The following INF2 variants were observed in gnomAD, a reference collection of about 807,000 sequenced individuals.
INF2 encodes the protein inverted formin 2, also known as inverted formin-2.
INF2 carries 43 observed loss-of-function variants against 123.5 expected under a neutral mutation model. The ratio of observed to expected loss-of-function variants is 0.35; its 90% CI spans 0.27 to 0.45. The LOEUF (loss-of-function observed/expected upper bound fraction) is 0.45. Among genes scored for constraint, INF2 ranks in the 20% least tolerant of loss-of-function variants. The pLI is 1.00. For missense variants in INF2, 1,453 were observed against 1,682.7 expected, an observed-to-expected ratio of 0.86 and a Z score of 2.39; for synonymous variants, 851 against 745.0, an observed-to-expected ratio of 1.14 and a Z score of -2.32.
rs187104422 is a variant in INF2, at chr14:104,712,413, C to G, written c.2490-20C>G. Reference sequence around the variant, plus strand: ...GACGTCAGCCGTTGCTGTCTCTGCCCGGCCCTCCTCACCTTTCAGGATCAA... The same window carrying G: ...GACGTCAGCCGTTGCTGTCTCTGCCGGGCCCTCCTCACCTTTCAGGATCAA... On this transcript the variant is annotated intron_variant, in intron 16 of 22. Coordinates refer to ENST00000392634, the MANE Select transcript of INF2 (RefSeq NM_022489.4). The G allele has an allele frequency of 6.2e-7, 1 of 1,611,682 alleles. No individual in the cohort carries two copies. Among genetic ancestry groups the G allele is most frequent in the Non-Finnish European group, 8.5e-7 (1 of 1,179,478 alleles).
At chr14:104,709,430 C>G (rs781514393) in intron 11 of INF2, 47 bp downstream of exon 11, 4 of 1,480,008 alleles carry the variant, frequency 2.7e-6, no homozygotes, top group African/African-American at 2.8e-5. Flanking sequence ...TGCCACCAAC[C>G]AAGGGAGAGG....
At chr14:104,698,419 TCA>T (rs1181856271) in intron 1 of INF2, among the ~76,000 whole-genome samples, 1 of 152,230 alleles carries the variant, frequency 6.6e-6, no homozygotes, top group Admixed American at 6.5e-5. Context: ...TAGCAGAGAC[TCA>T]CAGGCGGGCG....
Position 104,701,613 on chromosome 14 carries a change from G to T in INF2, c.248G>T (p.Arg83Leu). ...GLDLLLEALA[R>L]LSGRGVARIS... ...GACCTGCTGCTGGAGGCGCTGGCGC[G>T]GCTGTCGGGCCGCGGCGTTGCACGT... The change falls in exon 2 of 23, where the codon CGG (arginine) becomes CTG (leucine). Residue 83 changes from arginine (R) to leucine (L), a missense_variant. Physicochemically the swap from Arg to Leu is moderately radical, Grantham distance 102 (BLOSUM62 -2). This residue lies in a region of INF2 where 251 missense variants were observed against 349.4 expected (regional missense o/e 0.72). Transcript: ENST00000392634. 1 of 1,604,194 alleles carries T rather than the reference G, an allele frequency of 6.2e-7. No homozygotes were observed. Among genetic ancestry groups the T allele is most frequent in the Non-Finnish European group, 8.5e-7 (1 of 1,178,038 alleles).
chr14:104,712,263 TGAGG>T (rs1434845688), intron 16 of INF2, among the ~76,000 whole-genome samples, 166 bp from the exon 17 acceptor site: 2 of 152,122 alleles, frequency 1.3e-5, no homozygotes, highest in Non-Finnish European at 2.9e-5. Flanking sequence ...CACAGGGGGC[TGAGG>T]GTCAGCTGGA....
At chr14:104,690,987 G>T (rs930183370) in intron 1 of INF2, among the ~76,000 whole-genome samples, 19 of 152,174 alleles carry the variant, frequency 1.2e-4, no homozygotes, top group African/African-American at 4.3e-4. Flanking sequence ...CCAGGTTGGT[G>T]CAGTGGGCCC....
Position 104,707,526 on chromosome 14 carries a change from C to CCCCACA in INF2, c.1264_1265insACCCAC (p.Pro421_Pro422insHisPro), listed in dbSNP as rs1160224615. On this transcript the variant is annotated inframe_insertion, in exon 8 of 23. Transcript: ENST00000392634. ...AGAGCCCTGGAGCAGCAGGCGTCCA[C>CCCCACA]CCCACCCCCACCCCCACCCCCACCC... The CCCCACA allele has an allele frequency of 4.6e-6, 4 of 862,186 alleles. No homozygotes were observed. The highest frequency in any genetic ancestry group is 3.9e-4 in the Middle Eastern group (1 of 2,594). 53.4% of individuals were successfully genotyped at this position (862,186 alleles called of 1,614,324 possible).
chr14:104,698,635 G>A (rs1317846453), intron 1 of INF2, among the ~76,000 whole-genome samples: 5 of 152,228 alleles, frequency 3.3e-5, no homozygotes, highest in African/African-American at 1.2e-4. Context: ...GCCAGATTGC[G>A]GGTCAGAGTG....
At chr14:104,695,055 G>T (rs570907030) in intron 1 of INF2, among the ~76,000 whole-genome samples, 1 of 152,126 alleles carries the variant, frequency 6.6e-6, no homozygotes, top group South Asian at 2.1e-4. Context: ...TGTCTGGTCC[G>T]GGGGGAGGAA....
At chr14:104,714,990 G>A in intron 21 of INF2, 134 bp downstream of exon 21, 1 of 990,040 alleles carries the variant, frequency 1.0e-6, no homozygotes. Flanking sequence ...GCACGGGAGA[G>A]GAGGCGGCAG....
upstream of INF2, among the ~76,000 whole-genome samples, chr14:104,687,962 G>A (rs1888715508): frequency 6.6e-6 from 1 of 152,254 alleles, no homozygotes; most frequent in African/African-American, 2.4e-5. This position sits in a 1 kb window ranked among gnomAD's most constrained non-coding sequence, Gnocchi z 5.6. Flanking sequence ...CCCCGCCCGT[G>A]CCCTCCAGGG....
intron 10 of INF2, 68 bp from the exon 11 acceptor site, chr14:104,709,213 T>C: frequency 8.1e-7 from 1 of 1,236,752 alleles, no homozygotes; most frequent in Non-Finnish European, 1.2e-6. Flanking sequence ...CCAGGTGGGG[T>C]CCCAAAGAGG....
intron 13 of INF2, chr14:104,710,601 C>T (rs917772227): frequency 5.9e-6 from 3 of 510,562 alleles, no homozygotes; most frequent in East Asian, 3.4e-5. Context: ...ACACACACAC[C>T]CTCACATACA....
chr14:104,682,203 C>G (rs541810583), intron 1 of INF2, among the ~76,000 whole-genome samples: 2 of 152,058 alleles, frequency 1.3e-5, no homozygotes, highest in Non-Finnish European at 1.5e-5. Flanking sequence ...CTGTGCCGGG[C>G]GCTCAGGAAG....
chr14:104,691,204 G>T (rs114658995), intron 1 of INF2: 1 of 152,278 alleles, frequency 6.6e-6, no homozygotes, highest in Admixed American at 6.5e-5. Flanking sequence ...ATGTGGGGAC[G>T]TGGAAGCTCC....
chr14:104,720,391 T>A lies in INF2; in HGVS notation c.*1598T>A. 6.4e-6 allele frequency: 1 copy of A among 155,860 alleles called. No homozygotes were observed. The highest frequency in any genetic ancestry group is 1.7e-4 in the South Asian group (1 of 5,876). The allele number at this position is 155,860 out of a possible 1,614,324, so 9.7% of individuals were successfully genotyped here. ...TGCGTCGTCCTCGTGTGGATGCTGC[T>A]GTGGACGTCTGCGTCGTCCTCGTGT... On this transcript the variant is annotated 3_prime_UTR_variant, in exon 23 of 23. Coordinates refer to ENST00000392634, the MANE Select transcript of INF2 (RefSeq NM_022489.4).
In INF2 at chr14:104,706,891, C is replaced by A. The variant is rs748196824; in HGVS notation, c.844-19C>A. ...GGAGGGGCCGGCTGCTGACCTGCAC[C>A]CCACACTCGCCCGTCCAGGTGAGCT... On this transcript the variant is annotated intron_variant, in intron 6 of 22. Transcript: ENST00000392634. 6.2e-7 allele frequency: 1 copy of A among 1,602,350 alleles called. No individual in the cohort carries two copies. The highest frequency in any genetic ancestry group is 8.5e-7 in the Non-Finnish European group (1 of 1,178,670).
chr14:104,706,302 G>A (rs1889778552), intron 6 of INF2, 126 bp downstream of exon 6: 3 of 1,031,384 alleles, frequency 2.9e-6, no homozygotes, highest in South Asian at 3.6e-5. Context: ...GGGCCATGGT[G>A]CCAGCTTTGG....
At position 104,701,434 on chromosome 14, in the gene INF2, G is replaced by A. The variant is rs776576331; in HGVS notation, c.69G>A (p.Ser23=). 24 of 1,595,448 alleles carry A rather than the reference G, an allele frequency of 1.5e-5. No homozygotes were observed. In the East Asian group the frequency reaches 2.7e-4, roughly 18 times the overall value. Residue 23 remains serine, a synonymous_variant, in exon 2 of 23, where the codon TCG becomes TCA. Coordinates refer to ENST00000392634, the MANE Select transcript of INF2 (RefSeq NM_022489.4). ...AGGAGAAGCTGGGGCCACAGGATTC[G>A]GACCCCACGGAGGCCAACCTGGAGA... ...ALKEKLGPQD[S]DPTEANLESA...
intron 22 of INF2, chr14:104,715,690 A>G (rs535194301): frequency 9.6e-5 from 52 of 539,130 alleles, no homozygotes; most frequent in African/African-American, 8.9e-4. Flanking sequence ...CTGGCAGGAC[A>G]GGCTGAGGTT....
Sources: allele counts gnomAD v4.1 joint callset (sites outside exome capture counted in the v4.1 genomes callset), GRCh38; gene constraint gnomAD v4.1.1; regional missense constraint gnomAD v4.1.1; non-coding constraint Gnocchi (gnomAD v3.1); transcripts MANE v1.5; gene names NCBI Gene and HGNC (gene_info 2026-07-23, HGNC 2026-07-21).